Variants in LARP4 observed in about 807,000 individuals in gnomAD.
The protein encoded by LARP4 is la-related protein 4.
In LARP4, 29 loss-of-function variants were observed where a neutral mutation model predicts 92.9. That is an observed-to-expected ratio of 0.31 (90% CI 0.23 to 0.43). The LOEUF (loss-of-function observed/expected upper bound fraction) is 0.43. Among genes scored for constraint, LARP4 ranks in the 20% least tolerant of loss-of-function variants. The pLI, the probability that LARP4 is intolerant of heterozygous loss-of-function variation, is 1.00. For missense variants in LARP4, 732 were observed against 860.0 expected (o/e 0.85, Z 1.86); for synonymous variants, 279 against 284.1 (o/e 0.98, Z 0.18).
In LARP4 at chr12:50,441,740, A is replaced by G. The variant is rs926873126; in HGVS notation, c.804+97A>G. On this transcript the variant is annotated intron_variant, in intron 8 of 15. Transcript: ENST00000398473. Reference sequence around the variant, plus strand: ...CAGATAATATTTTATAAAAACCCATAGTGACTTTCAAAAAGTTTCTGGCTT... The same window carrying G: ...CAGATAATATTTTATAAAAACCCATGGTGACTTTCAAAAAGTTTCTGGCTT... 16 of 1,046,804 alleles carry G rather than the reference A, an allele frequency of 1.5e-5. No individual in the cohort carries two copies. The African/African-American group carries it at 2.5e-4, about 16-fold the overall frequency. 64.8% of individuals were successfully genotyped at this position (1,046,804 alleles called of 1,614,324 possible). A position where few individuals can be genotyped will look rare whatever the true frequency, so the allele number is the denominator to read the frequency against.
chr12:50,418,750 G>A (rs1018436522), intron 1 of LARP4, among the ~76,000 whole-genome samples: 1 of 152,144 alleles, frequency 6.6e-6, no homozygotes, highest in East Asian at 1.9e-4. Context: ...AGACAGTCCC[G>A]CTTTGTCATC....
chr12:50,440,458 A>G lies in LARP4; in HGVS notation c.659A>G (p.Lys220Arg). The G allele has an allele frequency of 3.1e-6, 5 of 1,613,706 alleles. No homozygotes were observed. Among genetic ancestry groups the G allele is most frequent in the Non-Finnish European group, 4.2e-6 (5 of 1,179,648 alleles). ...TTTTAGGAAGTGAAAGGTTTGTTCA[A>G]AAGTGAAAACTGCCCCAAAGTGATA... ...TPIEEVKGLF[K>R]SENCPKVISC... is the part of the protein sequence containing the mutation. Residue 220 changes from lysine (K) to arginine (R), a missense_variant, in exon 7 of 16, where the codon AAA becomes AGA. Physicochemically the swap from Lys to Arg is conservative, Grantham distance 26. Coordinates refer to ENST00000398473, the MANE Select transcript of LARP4 (RefSeq NM_052879.5).
chr12:50,404,947 CAA>C (rs1330967922), intron 1 of LARP4, among the ~76,000 whole-genome samples: 3 of 151,844 alleles, frequency 2.0e-5, no homozygotes, highest in Non-Finnish European at 4.4e-5. Context: ...CTCGGGCTCC[CAA>C]AGTGTTGGAA....
chr12:50,414,970 C>A (rs562442864), intron 1 of LARP4, among the ~76,000 whole-genome samples: 130 of 152,106 alleles, frequency 8.5e-4, no homozygotes, highest in Middle Eastern at 3.4e-3. Flanking sequence ...TTCAGGAGGC[C>A]GAGGCAGGGA....
intron 10 of LARP4, among the ~76,000 whole-genome samples, chr12:50,455,743 A>G (rs576096918): frequency 2.6e-5 from 4 of 152,308 alleles, no homozygotes; most frequent in African/African-American, 9.6e-5. Context: ...GACAGACACA[A>G]TTGGTTAAAG....
chr12:50,461,354 A>G lies in LARP4; in HGVS notation c.1334+7A>G. Reference sequence around the variant, plus strand: ...GGGACTATGGTAGGGGCAGGTAAGAAAATAAAGTACCTGAAAACCTTTGAT... The same window carrying G: ...GGGACTATGGTAGGGGCAGGTAAGAGAATAAAGTACCTGAAAACCTTTGAT... On this transcript the variant is annotated splice_region_variant and intron_variant, in intron 11 of 15. Coordinates refer to ENST00000398473, the MANE Select transcript of LARP4 (RefSeq NM_052879.5). 1 of 1,610,214 alleles carries G rather than the reference A, an allele frequency of 6.2e-7. No homozygotes were observed. The highest frequency in any genetic ancestry group is 8.5e-7 in the Non-Finnish European group (1 of 1,177,912).
At chr12:50,425,061 A>G (rs569467877) in intron 1 of LARP4, among the ~76,000 whole-genome samples, 2 of 152,188 alleles carry the variant, frequency 1.3e-5, no homozygotes, top group Admixed American at 6.5e-5. Context: ...GCAGGAGAAT[A>G]GCTTGAACCC....
chr12:50,413,327 GC>G (rs1387702071), intron 1 of LARP4, among the ~76,000 whole-genome samples: 1 of 152,060 alleles, frequency 6.6e-6, no homozygotes. Flanking sequence ...TTATTAGCAT[GC>G]AAAAAGACAT....
At chr12:50,461,516 A>G (rs1955378070) in intron 11 of LARP4, 169 bp downstream of exon 11, 3 of 719,336 alleles carry the variant, frequency 4.2e-6, no homozygotes, top group Non-Finnish European at 6.6e-6. Context: ...TATAATTATT[A>G]AGAAATAGAG....
intron 8 of LARP4, among the ~76,000 whole-genome samples, chr12:50,449,864 G>A (rs1476020204): frequency 2.0e-5 from 3 of 148,110 alleles, no homozygotes; most frequent in East Asian, 2.0e-4. Flanking sequence ...TTTACTGTTC[G>A]TGTTGATATT....
At chr12:50,423,983 T>C (rs935374830) in intron 1 of LARP4, among the ~76,000 whole-genome samples, 4 of 152,242 alleles carry the variant, frequency 2.6e-5, no homozygotes, top group African/African-American at 9.6e-5. Flanking sequence ...CTTGAACTCC[T>C]GACCTCAGGT....
chr12:50,404,063 C>G (rs1210505196), intron 1 of LARP4, among the ~76,000 whole-genome samples: 2 of 152,024 alleles, frequency 1.3e-5, no homozygotes, highest in Non-Finnish European at 2.9e-5. Flanking sequence ...CCCATCTCTA[C>G]TAAAAATACA....
At chr12:50,472,012 C>T (rs1048024766) in intron 13 of LARP4, among the ~76,000 whole-genome samples, 2 of 152,064 alleles carry the variant, frequency 1.3e-5, no homozygotes, top group Non-Finnish European at 2.9e-5. Flanking sequence ...TTATAGTTTG[C>T]TGTTTTTATT....
At chr12:50,458,041 C>T (rs1043029178) in intron 10 of LARP4, among the ~76,000 whole-genome samples, 7 of 151,224 alleles carry the variant, frequency 4.6e-5, no homozygotes, top group African/African-American at 1.5e-4. Context: ...CCAATCAATT[C>T]TCCACCTCAG....
intron 13 of LARP4, among the ~76,000 whole-genome samples, chr12:50,468,814 T>C (rs532711563): frequency 6.9e-4 from 105 of 152,266 alleles, no homozygotes; most frequent in African/African-American, 2.5e-3. Flanking sequence ...TTGCTAGTTA[T>C]GCTAGGACAC....
In LARP4 at chr12:50,459,756, G is replaced by A. The variant is rs951123857; in HGVS notation, c.1122-1379G>A. 3.5e-4 allele frequency among the ~76,000 whole-genome samples: 53 copies of A among 149,836 alleles called. 1 individual carries two copies. Among genetic ancestry groups the A allele is most frequent in the Non-Finnish European group, 4.4e-5 (3 of 67,696 alleles). On this transcript the variant is annotated intron_variant, in intron 10 of 15. Transcript: ENST00000398473. ...GGAGAATCTCTTGAACCCGGGAGGC[G>A]GAGGTTGCAGTGACCTGAGATCGCG...
intron 1 of LARP4, among the ~76,000 whole-genome samples, chr12:50,427,418 G>A (rs909089904): frequency 2.0e-5 from 3 of 152,060 alleles, no homozygotes; most frequent in African/African-American, 7.2e-5. Context: ...CTGGAGTGAT[G>A]GTGTGTTTAT....
chr12:50,447,293 C>T (rs1367776504), intron 8 of LARP4, among the ~76,000 whole-genome samples: 1 of 152,176 alleles, frequency 6.6e-6, no homozygotes, highest in Non-Finnish European at 1.5e-5. Flanking sequence ...AAGGCATACT[C>T]AGCCTGTGGT....
At chr12:50,417,202 GT>G (rs1343030297) in intron 1 of LARP4, among the ~76,000 whole-genome samples, 1 of 151,946 alleles carries the variant, frequency 6.6e-6, no homozygotes, top group Non-Finnish European at 1.5e-5. Context: ...GAGGTCAGGA[GT>G]TCAAGATCAG....
Sources: gnomAD v4.1 joint callset for allele counts (sites outside exome capture counted in the v4.1 genomes callset) on GRCh38, gnomAD v4.1.1 for gene constraint, MANE v1.5 for transcripts, NCBI Gene and HGNC (gene_info 2026-07-23, HGNC 2026-07-21) for gene names.